Variants in HOXC4 observed in about 807,000 individuals in gnomAD.
HOXC4 encodes homeobox C4, also known as homeobox protein Hox-C4.
HOXC4 carries 15 observed loss-of-function variants against 25.5 expected under a neutral mutation model. The observed-to-expected ratio is 0.59, with a 90% CI of 0.39 to 0.91. HOXC4 has a LOEUF of 0.91. Among genes scored for constraint, HOXC4 ranks in the 40% least tolerant of loss-of-function variants. The pLI is 0.00. For synonymous variants in HOXC4, 165 were observed against 148.0 expected, an observed-to-expected ratio of 1.11 and a Z score of -0.83; for missense variants, 342 against 352.4, an observed-to-expected ratio of 0.97 and a Z score of 0.24.
intron 1 of HOXC4, among the ~76,000 whole-genome samples, chr12:54,025,535 GGGGA>G (rs10598643): frequency 0.4 from 41,456 of 103,320 alleles, 7,411 homozygotes; most frequent in East Asian, 0.48. Context: ...ATTGGGGGGG[GGGGA>G]GGTGTTGAAA....
upstream of HOXC4, among the ~76,000 whole-genome samples, chr12:54,050,140 G>A (rs796554508): frequency 2.9e-4 from 44 of 152,266 alleles, 1 homozygote; most frequent in African/African-American, 8.7e-4. Context: ...CTATGGAGCC[G>A]CTGAGCTCTC....
At chr12:54,036,000 G>C (rs780015443) in intron 1 of HOXC4, among the ~76,000 whole-genome samples, 1 of 152,104 alleles carries the variant, frequency 6.6e-6, no homozygotes, top group African/African-American at 2.4e-5. Flanking sequence ...CTAGGGCCTC[G>C]GGCTATGCAG....
At chr12:54,030,808 T>C (rs926101991) in intron 1 of HOXC4, 1 of 152,296 alleles carries the variant, frequency 6.6e-6, no homozygotes, top group Non-Finnish European at 1.5e-5. Context: ...AAACTGATAT[T>C]ATTTTTAAAA....
chr12:54,033,966 G>A (rs768662802), intron 1 of HOXC4: 2 of 538,794 alleles, frequency 3.7e-6, no homozygotes, highest in Non-Finnish European at 7.1e-6. Context: ...AGGGGCGGGA[G>A]GGGGGTCCCC....
At chr12:54,023,229 G>C (rs1940530127) in intron 1 of HOXC4, among the ~76,000 whole-genome samples, 2 of 152,226 alleles carry the variant, frequency 1.3e-5, no homozygotes, top group South Asian at 4.1e-4. Context: ...GATGGAGCTG[G>C]AAGGGGGCTC....
intron 1 of HOXC4, among the ~76,000 whole-genome samples, chr12:54,024,122 C>G (rs1048217541): frequency 6.6e-6 from 1 of 152,202 alleles, no homozygotes; most frequent in Non-Finnish European, 1.5e-5. Flanking sequence ...ATGAGGGGAG[C>G]TGAGCAATTA....
upstream of HOXC4, among the ~76,000 whole-genome samples, chr12:54,051,476 C>T (rs1937844769): frequency 6.6e-6 from 1 of 152,154 alleles, no homozygotes; most frequent in South Asian, 2.1e-4. Context: ...TAGCCTTCCT[C>T]CGCCCCCTCA....
At chr12:54,028,030 C>G (rs1000191769) in intron 1 of HOXC4, among the ~76,000 whole-genome samples, 3 of 152,028 alleles carry the variant, frequency 2.0e-5, no homozygotes, top group African/African-American at 7.3e-5. Context: ...GAGTTCTTCC[C>G]TTGGAGAAAT....
intron 1 of HOXC4, among the ~76,000 whole-genome samples, 169 bp from the exon 2 acceptor site, chr12:54,054,681 A>T (rs76651339): frequency 5.9e-5 from 9 of 151,874 alleles, no homozygotes; most frequent in African/African-American, 2.2e-4. Context: ...CTCTTATTAC[A>T]CTACAAAGTC....
In HOXC4 at chr12:54,053,851, T is replaced by C. The variant is rs1937903294; in HGVS notation, c.-72T>C. ...GGTGAAAGTAACTTTACAGGGTCGC[T>C]AGCTAGTAGGAGGGCTTTATGGAGC... On this transcript the variant is annotated 5_prime_UTR_variant, in exon 1 of 2. Coordinates refer to ENST00000430889, the MANE Select transcript of HOXC4 (RefSeq NM_153633.3). The C allele has an allele frequency of 8.2e-7, 1 of 1,222,070 alleles. No individual in the cohort carries two copies. The highest frequency in any genetic ancestry group is 1.2e-6 in the Non-Finnish European group (1 of 847,870). 75.7% of individuals were successfully genotyped at this position (1,222,070 alleles called of 1,614,324 possible). A position where few individuals can be genotyped will look rare whatever the true frequency, so the allele number is the denominator to read the frequency against.
chr12:54,044,725 T>TTG (rs58933808), intron 1 of HOXC4, among the ~76,000 whole-genome samples: 7,506 of 146,998 alleles, frequency 0.051, 406 homozygotes, highest in East Asian at 0.2. Flanking sequence ...GTGTGTGTGT[T>TTG]TGTGTGTGTG....
rs1378312827 is a variant in HOXC4 at position 54,054,143 on chromosome 12, G to T, written c.221G>T (p.Gly74Val). 6.2e-7 allele frequency: 1 copy of T among 1,613,782 alleles called. No homozygotes were observed. Among genetic ancestry groups the T allele is most frequent in the Non-Finnish European group, 8.5e-7 (1 of 1,179,962 alleles). The change falls in exon 1 of 2, where the codon GGG becomes GTG. Residue 74 changes from glycine to valine, a missense_variant. By Grantham distance (109) the Gly-to-Val change is moderately radical (BLOSUM62 -3). Transcript: ENST00000430889. ...CAGTATAGCTGCACCAGTCTCCAGG[G>T]GCCCGGCAATTCGCGAGGCCACGGG... is the stretch of plus-strand genomic sequence containing the variant. ...ERQYSCTSLQ[G>V]PGNSRGHGPA...
chr12:54,055,456 G>C lies in HOXC4; in HGVS notation c.*251G>C, dbSNP rs891874904. 5.9e-6 allele frequency: 1 copy of C among 168,666 alleles called. No individual in the cohort carries two copies. Among genetic ancestry groups the C allele is most frequent in the Non-Finnish European group, 1.2e-5 (1 of 80,090 alleles). The allele number at this position is 168,666 out of a possible 1,614,324, so 10.4% of individuals were successfully genotyped here. On this transcript the variant is annotated 3_prime_UTR_variant, in exon 2 of 2. Transcript: ENST00000430889. ...GTGATGTTGTCTTAGCATGGTACCT[G>C]CTGGGTGTTTTTTTTTAAAAGGCCA...
chr12:54,044,093 G>T (rs1002294607), intron 1 of HOXC4, among the ~76,000 whole-genome samples: 6 of 151,942 alleles, frequency 3.9e-5, no homozygotes, highest in African/African-American at 1.5e-4. Flanking sequence ...TAAAGACAGG[G>T]TCATAAACGC....
chr12:54,020,095 C>T (rs1281862170), intron 1 of HOXC4: 2 of 152,300 alleles, frequency 1.3e-5, no homozygotes, highest in Non-Finnish European at 2.9e-5. Flanking sequence ...AACAGAAGCA[C>T]AAGAGGACCC....
At chr12:54,028,650 C>T (rs763969646) in intron 1 of HOXC4, 2 of 1,613,944 alleles carry the variant, frequency 1.2e-6, no homozygotes, top group African/African-American at 1.3e-5. Context: ...ATGGAGCGGC[C>T]GTTGCCCAGA....
chr12:54,033,392 A>G (rs944503999), intron 1 of HOXC4: 2 of 1,612,630 alleles, frequency 1.2e-6, no homozygotes, highest in Non-Finnish European at 1.7e-6. Flanking sequence ...GCAGAGACGA[A>G]GCGGCTCCTC....
rs1053750321 is a variant in HOXC4, at chr12:54,036,048, T to G, written c.-123-17112T>G. Reference sequence around the variant, plus strand: ...GGAAAGGAGCTGCATAGACCAGTGCTGGAGTCACGTCTGTCTGCCATCATT... The same window carrying G: ...GGAAAGGAGCTGCATAGACCAGTGCGGGAGTCACGTCTGTCTGCCATCATT... On this transcript the variant is annotated intron_variant, in intron 1 of 3. Coordinates refer to the HOXC4 transcript ENST00000303406. Among the ~76,000 whole-genome samples, 5 of 152,096 alleles carry G rather than the reference T, an allele frequency of 3.3e-5. No homozygotes were observed. The East Asian group carries it at 9.7e-4, about 29-fold the overall frequency.
intron 1 of HOXC4, among the ~76,000 whole-genome samples, chr12:54,035,863 G>C (rs531107482): frequency 6.6e-6 from 1 of 152,166 alleles, no homozygotes; most frequent in Non-Finnish European, 1.5e-5. Context: ...TGCTTGGTAA[G>C]GGGGTGTTGG....
Sources: gnomAD v4.1 joint callset for allele counts (sites outside exome capture counted in the v4.1 genomes callset) on GRCh38, gnomAD v4.1.1 for gene constraint, MANE v1.5 for transcripts, NCBI Gene and HGNC (gene_info 2026-07-23, HGNC 2026-07-21) for gene names.